FNDC3B: variants seen among roughly 807,000 people sequenced by gnomAD.
FNDC3B encodes fibronectin type III domain containing 3B, also known as fibronectin type III domain-containing protein 3B.
Under a neutral mutation model 151.5 loss-of-function variants are expected in FNDC3B, and 12 were observed. The ratio of observed to expected loss-of-function variants is 0.08; its 90% CI spans 0.05 to 0.13. The LOEUF (loss-of-function observed/expected upper bound fraction) is 0.13, where lower values mean the gene tolerates loss of function less well. Among genes scored for constraint, FNDC3B ranks in the 10% least tolerant of loss-of-function variants. The pLI is 1.00. For synonymous variants in FNDC3B, 528 were observed against 549.0 expected (o/e 0.96, Z 0.54); for missense variants, 1,214 against 1,505.3 (o/e 0.81, Z 3.20).
At chr3:172,044,780 T>G (rs1002158325) in intron 1 of FNDC3B, among the ~76,000 whole-genome samples, 1 of 152,192 alleles carries the variant, frequency 6.6e-6, no homozygotes, top group African/African-American at 2.4e-5. Flanking sequence ...CCATGACATA[T>G]GGTTTGATTT....
At chr3:172,054,878 A>AACT (rs1164955569) in intron 1 of FNDC3B, among the ~76,000 whole-genome samples, 24 of 152,186 alleles carry the variant, frequency 1.6e-4, no homozygotes, top group African/African-American at 5.8e-4. Context: ...CATAGCACTC[A>AACT]ACTACTTCTT....
At chr3:172,059,253 A>T (rs1717067189) in intron 1 of FNDC3B, among the ~76,000 whole-genome samples, 1 of 150,590 alleles carries the variant, frequency 6.6e-6, no homozygotes, top group Admixed American at 6.6e-5. Context: ...TTCTGAATTT[A>T]TATTTCACTT....
At chr3:172,391,383 A>T (rs187184818) in intron 25 of FNDC3B, among the ~76,000 whole-genome samples, 1 of 152,302 alleles carries the variant, frequency 6.6e-6, no homozygotes. Flanking sequence ...AAACTAAGGC[A>T]CAAAGCTGTT....
intron 1 of FNDC3B, among the ~76,000 whole-genome samples, chr3:172,073,295 TG>T (rs1187310294): frequency 2.0e-5 from 3 of 152,180 alleles, no homozygotes; most frequent in Non-Finnish European, 4.4e-5. Context: ...GTGGTTGGGG[TG>T]TTTTCAGCAG....
intron 14 of FNDC3B, among the ~76,000 whole-genome samples, chr3:172,334,330 C>G (rs1732841337): frequency 2.3e-5 from 2 of 88,404 alleles, no homozygotes; most frequent in Non-Finnish European, 4.3e-5. Context: ...CCCCCCCCCA[C>G]CCCCATATTT....
chr3:172,103,650 A>T (rs1001129503), intron 1 of FNDC3B, among the ~76,000 whole-genome samples: 36 of 152,114 alleles, frequency 2.4e-4, no homozygotes, highest in African/African-American at 6.8e-4. Flanking sequence ...TATTTATTTT[A>T]ATCTGAAGTG....
chr3:172,344,156 A>T lies in FNDC3B; in HGVS notation c.2148A>T (p.Val716=), dbSNP rs1317208198. ...YSVEMTEPED[V]ASEVYHGPEL... is the part of the protein sequence containing the mutation. ...TGGAGATGACGGAGCCCGAAGACGT[A>T]GCCTCGGAAGTGTACCATGGCCCAG... The change falls in exon 19 of 26, where the codon GTA becomes GTT. Residue 716 remains valine (V), a synonymous_variant. Coordinates refer to ENST00000415807, the MANE Select transcript of FNDC3B (RefSeq NM_022763.4). 6.2e-7 allele frequency: 1 copy of T among 1,614,094 alleles called. No homozygotes were observed. Among genetic ancestry groups the T allele is most frequent in the African/African-American group, 1.3e-5 (1 of 74,932 alleles).
chr3:172,082,500 G>A (rs1026998186), intron 1 of FNDC3B, among the ~76,000 whole-genome samples: 2 of 151,470 alleles, frequency 1.3e-5, no homozygotes, highest in African/African-American at 4.9e-5. Flanking sequence ...CACATCATGG[G>A]ATTATAGGGC....
At chr3:172,362,009 T>C (rs564687260) in intron 22 of FNDC3B, among the ~76,000 whole-genome samples, 2 of 152,318 alleles carry the variant, frequency 1.3e-5, no homozygotes, top group South Asian at 4.1e-4. Flanking sequence ...AACTCTTCGA[T>C]TTTAAATTCA....
At chr3:172,284,682 T>G (rs1396418329) in intron 6 of FNDC3B, among the ~76,000 whole-genome samples, 3 of 149,914 alleles carry the variant, frequency 2.0e-5, no homozygotes, top group African/African-American at 7.4e-5. Flanking sequence ...GCCTGCTTAT[T>G]ATACACAGAG....
intron 2 of FNDC3B, among the ~76,000 whole-genome samples, chr3:172,118,696 C>G (rs755147370): frequency 6.6e-6 from 1 of 152,150 alleles, no homozygotes; most frequent in Non-Finnish European, 1.5e-5. Flanking sequence ...TGGGGAAGCT[C>G]GGTCTTGGAT....
chr3:172,092,379 T>G, intron 1 of FNDC3B, among the ~76,000 whole-genome samples: 1 of 152,234 alleles, frequency 6.6e-6, no homozygotes, highest in Non-Finnish European at 1.5e-5. Context: ...AAAAGATTCT[T>G]CCTTAATTTA....
intron 1 of FNDC3B, among the ~76,000 whole-genome samples, chr3:172,088,895 CAAT>C (rs1559960597): frequency 6.6e-6 from 1 of 152,102 alleles, no homozygotes; most frequent in African/African-American, 2.4e-5. Context: ...AAAGCTATAA[CAAT>C]AGTAATATTT....
chr3:172,324,410 A>G (rs1345849865), intron 11 of FNDC3B, among the ~76,000 whole-genome samples: 1 of 152,184 alleles, frequency 6.6e-6, no homozygotes, highest in Non-Finnish European at 1.5e-5. Context: ...TAGATAAGCA[A>G]CAACTGTGAA....
At chr3:172,163,606 T>A (rs1338987306) in intron 3 of FNDC3B, among the ~76,000 whole-genome samples, 1 of 152,220 alleles carries the variant, frequency 6.6e-6, no homozygotes, top group Non-Finnish European at 1.5e-5. Context: ...TATGTATTCT[T>A]CAGTGACTTC....
intron 1 of FNDC3B, among the ~76,000 whole-genome samples, chr3:172,102,025 C>G (rs1719399196): frequency 6.6e-6 from 1 of 152,120 alleles, no homozygotes; most frequent in Non-Finnish European, 1.5e-5. Flanking sequence ...CTTTTGATAC[C>G]TTTTCTGTTT....
chr3:172,140,960 G>A (rs1394604733), intron 3 of FNDC3B, among the ~76,000 whole-genome samples: 4 of 152,176 alleles, frequency 2.6e-5, no homozygotes, highest in Non-Finnish European at 4.4e-5. Context: ...AGTTCTCAGA[G>A]TACAGCTCTG....
intron 16 of FNDC3B, among the ~76,000 whole-genome samples, chr3:172,340,797 C>T (rs1254678847): frequency 6.6e-6 from 1 of 152,186 alleles, no homozygotes; most frequent in Non-Finnish European, 1.5e-5. Flanking sequence ...AGCTTGCCCA[C>T]CCCTGTTCTG....
chr3:172,089,586 G>A (rs1028818989), intron 1 of FNDC3B, among the ~76,000 whole-genome samples: 3 of 152,070 alleles, frequency 2.0e-5, no homozygotes, highest in African/African-American at 7.2e-5. Context: ...TATTGGGTGG[G>A]TACAAAAGTA....
Sources: gnomAD v4.1 joint callset for allele counts (sites outside exome capture counted in the v4.1 genomes callset) on GRCh38, gnomAD v4.1.1 for gene constraint, MANE v1.5 for transcripts, NCBI Gene and HGNC (gene_info 2026-07-23, HGNC 2026-07-21) for gene names.